Variants in DAP observed in about 807,000 individuals in gnomAD.
DAP encodes the protein death associated protein.
Under a neutral mutation model 13.8 loss-of-function variants are expected in DAP, and 8 were observed. The ratio of observed to expected loss-of-function variants is 0.58; its 90% CI spans 0.34 to 1.05. DAP has a LOEUF of 1.05. Ranked by LOEUF, DAP falls within the 50% of genes least tolerant of loss-of-function variation. The probability of loss-of-function intolerance (pLI) is 0.03; values close to 1 mark genes in which losing one functional copy is unlikely to be tolerated. For missense variants in DAP, 106 were observed against 133.2 expected (o/e 0.80, Z 1.01); for synonymous variants, 47 against 47.5 (o/e 0.99, Z 0.04).
intron 2 of DAP, among the ~76,000 whole-genome samples, chr5:10,717,597 G>C (rs1404874004): frequency 2.6e-5 from 4 of 152,162 alleles, no homozygotes; most frequent in Non-Finnish European, 5.9e-5. Flanking sequence ...CTGCCTGAGG[G>C]AACAGTGATG....
intron 2 of DAP, among the ~76,000 whole-genome samples, chr5:10,718,264 A>T (rs1360109751): frequency 2.0e-5 from 3 of 152,136 alleles, no homozygotes; most frequent in African/African-American, 7.2e-5. Context: ...TCATTAACGG[A>T]GCTTTAGCTC....
chr5:10,754,629 G>T (rs555387160), intron 1 of DAP, among the ~76,000 whole-genome samples: 1 of 152,292 alleles, frequency 6.6e-6, no homozygotes, highest in African/African-American at 2.4e-5. Flanking sequence ...GCACCTTGCC[G>T]GACATCTGAC....
At chr5:10,750,014 C>T (rs535717110) in intron 1 of DAP, among the ~76,000 whole-genome samples, 17 of 152,168 alleles carry the variant, frequency 1.1e-4, no homozygotes, top group African/African-American at 2.9e-4. Flanking sequence ...GAGAGGCGTT[C>T]GGGAGAGTGG....
chr5:10,736,531 T>G (rs1739617975), intron 2 of DAP, among the ~76,000 whole-genome samples: 1 of 152,206 alleles, frequency 6.6e-6, no homozygotes, highest in African/African-American at 2.4e-5. Flanking sequence ...CAGACTCGGC[T>G]GCCGTCAGGG....
chr5:10,759,071 C>A (rs2111406834), intron 1 of DAP, among the ~76,000 whole-genome samples: 1 of 152,102 alleles, frequency 6.6e-6, no homozygotes, highest in Admixed American at 6.5e-5. Flanking sequence ...CCTGTAAACC[C>A]AGCTACTCGG....
chr5:10,739,747 T>C (rs1273839007), intron 2 of DAP, among the ~76,000 whole-genome samples: 2 of 151,304 alleles, frequency 1.3e-5, no homozygotes, highest in Non-Finnish European at 2.9e-5. Context: ...TAAGCAGCAA[T>C]ACAGCCCAGG....
At chr5:10,760,209 G>T (rs889830064) in intron 1 of DAP, among the ~76,000 whole-genome samples, 1 of 152,130 alleles carries the variant, frequency 6.6e-6, no homozygotes, top group African/African-American at 2.4e-5. Flanking sequence ...GAAGTGACTT[G>T]GCTTCTGAGA....
intron 2 of DAP, among the ~76,000 whole-genome samples, chr5:10,732,935 C>T (rs990211171): frequency 5.9e-5 from 9 of 152,190 alleles, no homozygotes; most frequent in Admixed American, 5.2e-4. Flanking sequence ...ACTCTGTACA[C>T]ATTAAACACT....
chr5:10,702,748 C>T (rs1738612611), intron 2 of DAP, among the ~76,000 whole-genome samples: 1 of 152,222 alleles, frequency 6.6e-6, no homozygotes, highest in African/African-American at 2.4e-5. Context: ...TTCTTTATGG[C>T]AACTCCTGGC....
intron 2 of DAP, among the ~76,000 whole-genome samples, chr5:10,746,697 A>C (rs892143169): frequency 6.6e-6 from 1 of 152,176 alleles, no homozygotes; most frequent in Non-Finnish European, 1.5e-5. Flanking sequence ...TACACTGCTA[A>C]TCTCATGATT....
intron 2 of DAP, among the ~76,000 whole-genome samples, chr5:10,693,519 G>A (rs1332125536): frequency 6.6e-6 from 1 of 152,212 alleles, no homozygotes. Flanking sequence ...CCCCTTAGAA[G>A]TGCTGTATCT....
intron 2 of DAP, among the ~76,000 whole-genome samples, chr5:10,738,959 T>G (rs898172845): frequency 2.0e-5 from 3 of 150,402 alleles, no homozygotes; most frequent in Non-Finnish European, 4.4e-5. Flanking sequence ...TCCCAGCACT[T>G]TGGGAGGCTG....
chr5:10,700,930 A>G (rs756889597), intron 2 of DAP, among the ~76,000 whole-genome samples: 38 of 152,240 alleles, frequency 2.5e-4, no homozygotes, highest in Non-Finnish European at 5.1e-4. Flanking sequence ...ATGTGTGAAA[A>G]CAGAACTTTC....
intron 2 of DAP, among the ~76,000 whole-genome samples, chr5:10,702,928 G>A (rs1382425029): frequency 1.3e-5 from 2 of 152,312 alleles, no homozygotes; most frequent in South Asian, 2.1e-4. Context: ...GCAGACAGAT[G>A]TGCACCCTTA....
chr5:10,736,527 C>T (rs998002236), intron 2 of DAP, among the ~76,000 whole-genome samples: 8 of 152,186 alleles, frequency 5.3e-5, no homozygotes, highest in African/African-American at 1.7e-4. Flanking sequence ...CCAGCAGACT[C>T]GGCTGCCGTC....
chr5:10,727,952 T>TG lies in DAP; in HGVS notation c.152+20222dup, dbSNP rs1286045051. 8.5e-5 allele frequency among the ~76,000 whole-genome samples: 13 copies of TG among 152,300 alleles called. No homozygotes were observed. The East Asian group carries it at 2.5e-3, about 29-fold the overall frequency. On this transcript the variant is annotated intron_variant, in intron 2 of 3. Coordinates refer to ENST00000230895, the MANE Select transcript of DAP (RefSeq NM_004394.3). ...TAAATAGCTGTTATCCTGTATTGTT[T>TG]GGGGAACAGTGACAAGAAAAAAAAG... is the stretch of plus-strand genomic sequence containing the variant.
intron 2 of DAP, among the ~76,000 whole-genome samples, chr5:10,727,801 T>C (rs1419226038): frequency 6.6e-6 from 1 of 152,244 alleles, no homozygotes; most frequent in East Asian, 1.9e-4. Flanking sequence ...GATACCACAA[T>C]CCCACAGATG....
At chr5:10,756,880 T>C (rs1740198544) in intron 1 of DAP, among the ~76,000 whole-genome samples, 1 of 151,318 alleles carries the variant, frequency 6.6e-6, no homozygotes, top group Non-Finnish European at 1.5e-5. Flanking sequence ...ATTCTAACTC[T>C]GCTAATCTGC....
chr5:10,712,396 G>A (rs556102653), intron 2 of DAP, among the ~76,000 whole-genome samples: 1 of 152,088 alleles, frequency 6.6e-6, no homozygotes, highest in Admixed American at 6.5e-5. Flanking sequence ...CTGTGGGCTG[G>A]GGTCATAAGG....
Sources: gnomAD v4.1 joint callset for allele counts (sites outside exome capture counted in the v4.1 genomes callset) on GRCh38, gnomAD v4.1.1 for gene constraint, MANE v1.5 for transcripts, NCBI Gene and HGNC (gene_info 2026-07-23, HGNC 2026-07-21) for gene names.